HIPK4: variants seen among roughly 807,000 people sequenced by gnomAD.
HIPK4 encodes homeodomain-interacting protein kinase 4.
A neutral mutation model predicts 44.8 loss-of-function variants in HIPK4; 26 were observed. The observed-to-expected ratio is 0.58, with a 90% CI of 0.43 to 0.80. The LOEUF (loss-of-function observed/expected upper bound fraction) is 0.80. Ranked by LOEUF, HIPK4 falls within the 30% of genes least tolerant of loss-of-function variation. The probability of loss-of-function intolerance (pLI) is 0.00; values close to 1 mark genes in which losing one functional copy is unlikely to be tolerated. For missense variants in HIPK4, 729 were observed against 862.6 expected (o/e 0.85, Z 1.94); for synonymous variants, 340 against 355.5 (o/e 0.96, Z 0.49).
rs879871428 is a variant in HIPK4 at position 40,380,101 on chromosome 19, C to T, written c.1668+222G>A. On this transcript the variant is annotated intron_variant, in intron 3 of 3. Coordinates refer to ENST00000291823, the MANE Select transcript of HIPK4 (RefSeq NM_144685.5). The surrounding 1 kb of genome is among the most constrained non-coding windows in gnomAD (Gnocchi z 4.2). ...GCTTCTTATAAGTAGATTACTGTGC[C>T]CTGAGTTTTTGTCACAGCCTGGAAG... Among the ~76,000 whole-genome samples the T allele has an allele frequency of 2.0e-5, 3 of 152,164 alleles. No individual in the cohort carries two copies. The highest frequency in any genetic ancestry group is 6.5e-5 in the Admixed American group (1 of 15,278).
At position 40,389,959 on chromosome 19, in the gene HIPK4, G is replaced by A. The variant is rs906544815; in HGVS notation, c.-57C>T. On this transcript the variant is annotated 5_prime_UTR_variant, in exon 1 of 4. Transcript: ENST00000291823. This position sits in a 1 kb window ranked among gnomAD's most constrained non-coding sequence, Gnocchi z 4.6. The stretch of plus-strand genomic sequence containing the variant: ...AGGCCCCTGTACCACTGGCTCTGCC[G>A]CCCAGGCCTCCCGCCTGGCTGCTGA... 99 of 1,392,626 alleles carry A rather than the reference G, an allele frequency of 7.1e-5. No individual in the cohort carries two copies. Among genetic ancestry groups the A allele is most frequent in the Non-Finnish European group, 8.6e-5 (87 of 1,015,704 alleles). The allele number at this position is 1,392,626 out of a possible 1,614,324, so 86.3% of individuals were successfully genotyped here. A position where few individuals can be genotyped will look rare whatever the true frequency, so the allele number is the denominator to read the frequency against.
chr19:40,380,174 T>C lies in HIPK4; in HGVS notation c.1668+149A>G. Reference sequence around the variant, plus strand: ...TATCATATCTTGACGGTATTAGGTGTGTGCTGAGCCTCCTAAGTCCCTAAT... The same window carrying C: ...TATCATATCTTGACGGTATTAGGTGCGTGCTGAGCCTCCTAAGTCCCTAAT... On this transcript the variant is annotated intron_variant, in intron 3 of 3. Coordinates refer to ENST00000291823, the MANE Select transcript of HIPK4 (RefSeq NM_144685.5). The surrounding 1 kb of genome is among the most constrained non-coding windows in gnomAD (Gnocchi z 4.2). The C allele has an allele frequency of 3.9e-6, 4 of 1,033,048 alleles. No individual in the cohort carries two copies. Among genetic ancestry groups the C allele is most frequent in the Non-Finnish European group, 2.8e-6 (2 of 713,800 alleles). The allele number at this position is 1,033,048 out of a possible 1,614,324, so 64.0% of individuals were successfully genotyped here. A position where few individuals can be genotyped will look rare whatever the true frequency, so the allele number is the denominator to read the frequency against.
At chr19:40,383,002 G>A (rs71337571) in intron 2 of HIPK4, among the ~76,000 whole-genome samples, 47 of 147,828 alleles carry the variant, frequency 3.2e-4, no homozygotes, top group Admixed American at 2.8e-3. Flanking sequence ...AGCTGAGACC[G>A]CACCACTGCA....
intron 2 of HIPK4, among the ~76,000 whole-genome samples, chr19:40,381,784 C>CCT (rs2079337954): frequency 4.2e-5 from 3 of 72,260 alleles, no homozygotes; most frequent in Non-Finnish European, 7.8e-5. Context: ...CACTCAGATC[C>CCT]TTTTTTTTTT....
At position 40,380,672 on chromosome 19, in the gene HIPK4, C is replaced by A. The variant is rs746022577; in HGVS notation, c.1319G>T (p.Gly440Val). The A allele has an allele frequency of 6.2e-7, 1 of 1,614,078 alleles. No homozygotes were observed. The highest frequency in any genetic ancestry group is 1.1e-5 in the South Asian group (1 of 91,086). The change falls in exon 3 of 4, where the codon GGG (glycine) becomes GTG (valine). Residue 440 changes from glycine (G) to valine (V), a missense_variant. Coordinates refer to ENST00000291823, the MANE Select transcript of HIPK4 (RefSeq NM_144685.5). The surrounding 1 kb of genome is among the most constrained non-coding windows in gnomAD (Gnocchi z 4.2). ...ATTGGTGCAGGTCTCACCCCACAGC[C>A]CATGCCCAGCCTCCTGCAGACTCAG... The part of the protein sequence containing the change: ...DDLSLQEAGH[G>V]LWGETCTNAV...
At chr19:40,381,892 A>G (rs1381103340) in intron 2 of HIPK4, among the ~76,000 whole-genome samples, 2 of 133,558 alleles carry the variant, frequency 1.5e-5, no homozygotes, top group Non-Finnish European at 1.5e-5. Context: ...TGCAACCTCC[A>G]CCTCCCAGGT....
intron 2 of HIPK4, among the ~76,000 whole-genome samples, chr19:40,381,784 C>T (rs145619647): frequency 1.7e-4 from 12 of 72,254 alleles, no homozygotes; most frequent in East Asian, 3.9e-4. Flanking sequence ...CACTCAGATC[C>T]TTTTTTTTTT....
chr19:40,381,241 C>A (rs1454065821), intron 2 of HIPK4, 73 bp from the exon 3 acceptor site: 3 of 1,235,994 alleles, frequency 2.4e-6, no homozygotes, highest in Non-Finnish European at 3.4e-6. Flanking sequence ...CCTGCTGTGG[C>A]ACCCACATGT....
chr19:40,379,870 G>A (rs1332332211), intron 3 of HIPK4, 101 bp from the exon 4 acceptor site: 1 of 1,244,580 alleles, frequency 8.0e-7, no homozygotes, highest in Non-Finnish European at 1.1e-6. Context: ...CATGTGCTAG[G>A]GTCTTACCAG....
At chr19:40,388,628 A>C (rs912607667) in intron 1 of HIPK4, among the ~76,000 whole-genome samples, 1 of 152,184 alleles carries the variant, frequency 6.6e-6, no homozygotes, top group Non-Finnish European at 1.5e-5. Context: ...GCAAGCATTC[A>C]TTTAGCACTG....
chr19:40,389,552 G>T lies in HIPK4; in HGVS notation c.351C>A (p.Thr117=). ...PLPARHIRTV[T]LQVLTALARL... ...GGGCCAGGGCTGTGAGCACCTGCAG[G>T]GTGACTGTACGGATGTGGCGGGCGG... Residue 117 remains threonine (T), a synonymous_variant, in exon 1 of 4, where the codon ACC becomes ACA. Transcript: ENST00000291823. The surrounding 1 kb of genome is among the most constrained non-coding windows in gnomAD (Gnocchi z 4.6). The T allele has an allele frequency of 6.2e-7, 1 of 1,614,024 alleles. No individual in the cohort carries two copies. The highest frequency in any genetic ancestry group is 8.5e-7 in the Non-Finnish European group (1 of 1,180,016).
At position 40,389,676 on chromosome 19, in the gene HIPK4, A is replaced by G. The variant is rs779019561; in HGVS notation, c.227T>C (p.Leu76Pro). 16 of 1,614,078 alleles carry G rather than the reference A, an allele frequency of 9.9e-6. No homozygotes were observed. The highest frequency in any genetic ancestry group is 1.3e-5 in the Non-Finnish European group (15 of 1,180,034). ...DPEEAHVIRF[L>P]EFFHDALKFY... ...CTTGAGGGCGTCATGGAAGAACTCA[A>G]GGAAGCGGATGACGTGGGCCTCTTC... The change falls in exon 1 of 4, where the codon CTT becomes CCT. Residue 76 changes from leucine to proline, a missense_variant. Around this residue, in one of 2 missense-constraint regions of HIPK4, gnomAD observed 196 missense variants for 295.1 expected, o/e 0.66. Transcript: ENST00000291823. The surrounding 1 kb of genome is among the most constrained non-coding windows in gnomAD (Gnocchi z 4.6).
chr19:40,382,534 G>A (rs1275294540), intron 2 of HIPK4, among the ~76,000 whole-genome samples: 1 of 152,114 alleles, frequency 6.6e-6, no homozygotes, highest in African/African-American at 2.4e-5. Context: ...CTTATAGTAT[G>A]ACCCAGATCT....
rs2079324811 is a variant in HIPK4 at position 40,380,214 on chromosome 19, G to A, written c.1668+109C>T. 1 of 1,368,438 alleles carries A rather than the reference G, an allele frequency of 7.3e-7. No individual in the cohort carries two copies. Among genetic ancestry groups the A allele is most frequent in the African/African-American group, 1.4e-5 (1 of 69,270 alleles). 84.8% of individuals were successfully genotyped at this position (1,368,438 alleles called of 1,614,324 possible). On this transcript the variant is annotated intron_variant, in intron 3 of 3. Transcript: ENST00000291823. The surrounding 1 kb of genome is among the most constrained non-coding windows in gnomAD (Gnocchi z 4.2). ...AAGTCCCTAATTGTATCCTGAACAT[G>A]GGTGAGTGTGTGTTGAGCCTCCTCA...
At chr19:40,381,259 A>C (rs1027729945) in intron 2 of HIPK4, 91 bp from the exon 3 acceptor site, 7 of 1,050,894 alleles carry the variant, frequency 6.7e-6, no homozygotes, top group Non-Finnish European at 9.7e-6. Flanking sequence ...TGTAGCCCCG[A>C]CTTCCAGGTC....
Position 40,379,376 on chromosome 19 carries a change from C to CA in HIPK4, c.*210dup. 1 of 542,212 alleles carries CA rather than the reference C, an allele frequency of 1.8e-6. No individual in the cohort carries two copies. The highest frequency in any genetic ancestry group is 3.2e-6 in the Non-Finnish European group (1 of 314,956). 33.6% of individuals were successfully genotyped at this position (542,212 alleles called of 1,614,324 possible). ...TCCTGCTGTCCTTCTGGCCAAGGAG[C>CA]ATGGGCCAGACTCCAAAGCCCTGCT... On this transcript the variant is annotated 3_prime_UTR_variant, in exon 4 of 4. Transcript: ENST00000291823.
rs200937693 is a variant in HIPK4 at position 40,384,115 on chromosome 19, T to C, written c.490A>G (p.Ile164Val). The C allele has an allele frequency of 4.7e-5, 75 of 1,587,916 alleles. No homozygotes were observed. In the African/African-American group the frequency reaches 9.3e-4, roughly 20 times the overall value. ...VKVIDFGSAS[I>V]FSEVRYVKEP... ...TTCACGTAGCGCACCTCGCTGAAAA[T>C]GCTGGCGGATCCGAAGTCAATCACC... The change falls in exon 2 of 4, where the codon ATT becomes GTT. Residue 164 changes from isoleucine to valine, a missense_variant. Around this residue, in one of 2 missense-constraint regions of HIPK4, gnomAD observed 196 missense variants for 295.1 expected, o/e 0.66. Coordinates refer to ENST00000291823, the MANE Select transcript of HIPK4 (RefSeq NM_144685.5).
intron 1 of HIPK4, among the ~76,000 whole-genome samples, chr19:40,384,891 C>T (rs561589656): frequency 4.7e-4 from 72 of 152,274 alleles, no homozygotes; most frequent in African/African-American, 1.7e-3. Flanking sequence ...GAATTACAGG[C>T]ATGAGCCACC....
rs909037041 is a variant in HIPK4, at chr19:40,379,689, G to C, written c.1749C>G (p.Val583=). 3 of 1,594,446 alleles carry C rather than the reference G, an allele frequency of 1.9e-6. No individual in the cohort carries two copies. The African/African-American group carries it at 4.0e-5, about 21-fold the overall frequency. ...LSEPDCTLES[V]RGPRAQGLPP... is the part of the protein sequence containing the mutation. Reference sequence around the variant, plus strand: ...GGAGCCCCTGAGCCCGTGGGCCCCTGACGCTCTCCAGGGTGCAGTCTGGCT... The same window carrying C: ...GGAGCCCCTGAGCCCGTGGGCCCCTCACGCTCTCCAGGGTGCAGTCTGGCT... Residue 583 remains valine, a synonymous_variant, in exon 4 of 4, where the codon GTC becomes GTG. Coordinates refer to ENST00000291823, the MANE Select transcript of HIPK4 (RefSeq NM_144685.5).
Sources: gnomAD v4.1 joint callset for allele counts (sites outside exome capture counted in the v4.1 genomes callset) on GRCh38, gnomAD v4.1.1 for gene constraint, gnomAD v4.1.1 regional missense constraint, Gnocchi (gnomAD v3.1) non-coding constraint, MANE v1.5 for transcripts, NCBI Gene and HGNC (gene_info 2026-07-23, HGNC 2026-07-21) for gene names.